The following PIK3CG variants were observed in gnomAD, a reference collection of about 807,000 sequenced individuals.
The protein encoded by PIK3CG is phosphatidylinositol 4,5-bisphosphate 3-kinase catalytic subunit gamma isoform.
Under a neutral mutation model 102.3 loss-of-function variants are expected in PIK3CG, and 55 were observed. The observed-to-expected ratio is 0.54, with a 90% CI of 0.43 to 0.67. The LOEUF (loss-of-function observed/expected upper bound fraction) is 0.67. PIK3CG is among the 30% of genes least tolerant of loss of function. PIK3CG has a pLI of 0.00. For missense variants in PIK3CG, 1,258 were observed against 1,391.8 expected, an observed-to-expected ratio of 0.90 and a Z score of 1.53; for synonymous variants, 552 against 540.0, an observed-to-expected ratio of 1.02 and a Z score of -0.31.
At position 106,891,867 on chromosome 7, in the gene PIK3CG, C is replaced by A. The variant is rs1791273407; in HGVS notation, c.3030+5575C>A. Among the ~76,000 whole-genome samples the A allele has an allele frequency of 6.6e-6, 1 of 151,886 alleles. No homozygotes were observed. Among genetic ancestry groups the A allele is most frequent in the Admixed American group, 6.6e-5 (1 of 15,222 alleles). On this transcript the variant is annotated intron_variant, in intron 10 of 10. Transcript: ENST00000496166. This position sits in a 1 kb window ranked among gnomAD's most constrained non-coding sequence, Gnocchi z 4.4. ...CTGTTTCCAGTTCCGCAGTCTTATC[C>A]CCATGCCAGCGTATACCCAAGCCTC...
chr7:106,867,604 G>A lies in PIK3CG; in HGVS notation c.43G>A (p.Asp15Asn), dbSNP rs761955149. The A allele has an allele frequency of 6.8e-6, 11 of 1,606,742 alleles. No homozygotes were observed. Among genetic ancestry groups the A allele is most frequent in the Admixed American group, 1.7e-5 (1 of 58,634 alleles). Residue 15 changes from aspartate to asparagine, a missense_variant, in exon 2 of 11, where the codon GAC becomes AAC. Coordinates refer to ENST00000496166, the MANE Select transcript of PIK3CG (RefSeq NM_001282426.2). The surrounding 1 kb of genome is among the most constrained non-coding windows in gnomAD (Gnocchi z 5.1). ...TAAACAGCCCGTGGTGCTGAGAGAG[G>A]ACAACTGCCGAAGGCGCCGGAGGAT... ...NYKQPVVLRE[D>N]NCRRRRRMKP...
chr7:106,869,298 A>C lies in PIK3CG; in HGVS notation c.1737A>C (p.Arg579Ser). 1 of 1,614,228 alleles carries C rather than the reference A, an allele frequency of 6.2e-7. No homozygotes were observed. The highest frequency in any genetic ancestry group is 1.1e-5 in the South Asian group (1 of 91,086). ...ACAAAGAATTGCTCTGGCATTTTAGATACGAAAGCCTTAAGCACCCAAAAG... is the reference window on the plus strand; with the variant it reads ...ACAAAGAATTGCTCTGGCATTTTAGCTACGAAAGCCTTAAGCACCCAAAAG... The part of the protein sequence containing the change: ...AEDKELLWHF[R>S]YESLKHPKAY... The change falls in exon 2 of 11, where the codon AGA becomes AGC. Residue 579 changes from arginine (R) to serine (S), a missense_variant. By Grantham distance (110) the Arg-to-Ser change is moderately radical (BLOSUM62 -1). Around this residue, in one of 2 missense-constraint regions of PIK3CG, gnomAD observed 832 missense variants for 787.5 expected, o/e 1.06. Transcript: ENST00000496166. This position sits in a 1 kb window ranked among gnomAD's most constrained non-coding sequence, Gnocchi z 5.3.
Position 106,879,307 on chromosome 7 carries a change from C to T in PIK3CG, c.2392-212C>T, listed in dbSNP as rs188469991. Among the ~76,000 whole-genome samples, 88 of 152,252 alleles carry T rather than the reference C, an allele frequency of 5.8e-4. 1 individual carries two copies. The highest frequency in any genetic ancestry group is 5.9e-5 in the Non-Finnish European group (4 of 68,022). On this transcript the variant is annotated intron_variant, in intron 5 of 10. Coordinates refer to ENST00000496166, the MANE Select transcript of PIK3CG (RefSeq NM_001282426.2). The surrounding 1 kb of genome is among the most constrained non-coding windows in gnomAD (Gnocchi z 4.9). ...GTTCTTTGGAGCACAGTTTGAGAGGCACTGGTTTAAGAGTTGTGAATTCGC... is the reference window on the plus strand; with the variant it reads ...GTTCTTTGGAGCACAGTTTGAGAGGTACTGGTTTAAGAGTTGTGAATTCGC...
chr7:106,900,842 C>A (rs901632147), intron 10 of PIK3CG, among the ~76,000 whole-genome samples: 2 of 152,092 alleles, frequency 1.3e-5, no homozygotes, highest in Non-Finnish European at 2.9e-5. Flanking sequence ...ATATGAAATT[C>A]TTGGTTGAAG....
rs1790444656 is a variant in PIK3CG at position 106,869,223 on chromosome 7, A to G, written c.1662A>G (p.Gln554=). ...AAATGCCCAACCAGCTTCGCAAGCA[A>G]TTGGAGGCGATCATAGCCACTGATC... is the stretch of plus-strand genomic sequence containing the variant. ...RAEMPNQLRK[Q]LEAIIATDPL... The change falls in exon 2 of 11, where the codon CAA becomes CAG. Residue 554 remains glutamine (Q), a synonymous_variant. Coordinates refer to ENST00000496166, the MANE Select transcript of PIK3CG (RefSeq NM_001282426.2). The surrounding 1 kb of genome is among the most constrained non-coding windows in gnomAD (Gnocchi z 5.3). 1.9e-6 allele frequency: 3 copies of G among 1,614,212 alleles called. No individual in the cohort carries two copies. The Admixed American group carries it at 5.0e-5, about 27-fold the overall frequency.
intron 5 of PIK3CG, among the ~76,000 whole-genome samples, chr7:106,876,697 G>A (rs1790757526): frequency 6.6e-6 from 1 of 151,846 alleles, no homozygotes; most frequent in African/African-American, 2.4e-5. Flanking sequence ...CACCGCACCT[G>A]GACCTTAGTT....
At position 106,891,511 on chromosome 7, in the gene PIK3CG, G is replaced by A. The variant is rs1791261943; in HGVS notation, c.3030+5219G>A. On this transcript the variant is annotated intron_variant, in intron 10 of 10. Coordinates refer to ENST00000496166, the MANE Select transcript of PIK3CG (RefSeq NM_001282426.2). This position sits in a 1 kb window ranked among gnomAD's most constrained non-coding sequence, Gnocchi z 4.4. ...CTGTACCTTTTGCCAAGAGAACAGGGCATGGAGTATATACACATAGTGTAC... is the reference window on the plus strand; with the variant it reads ...CTGTACCTTTTGCCAAGAGAACAGGACATGGAGTATATACACATAGTGTAC... Among the ~76,000 whole-genome samples the A allele has an allele frequency of 6.6e-6, 1 of 152,102 alleles. No individual in the cohort carries two copies. The highest frequency in any genetic ancestry group is 6.6e-5 in the Admixed American group (1 of 15,266).
At chr7:106,886,599 G>T (rs1413002603) in intron 10 of PIK3CG, among the ~76,000 whole-genome samples, 1 of 152,096 alleles carries the variant, frequency 6.6e-6, no homozygotes, top group Non-Finnish European at 1.5e-5. Context: ...TTTCAGGAAG[G>T]GTGTCTGCTG....
Position 106,879,477 on chromosome 7 carries a change from T to G in PIK3CG, c.2392-42T>G. On this transcript the variant is annotated intron_variant, in intron 5 of 10. Transcript: ENST00000496166. This position sits in a 1 kb window ranked among gnomAD's most constrained non-coding sequence, Gnocchi z 4.9. ...TTTGTGTCTCCACCATGTATATTCGTTATTCATTGTGTGTGGGGAATATGT... is the reference window on the plus strand; with the variant it reads ...TTTGTGTCTCCACCATGTATATTCGGTATTCATTGTGTGTGGGGAATATGT... 6.5e-7 allele frequency: 1 copy of G among 1,529,428 alleles called. No homozygotes were observed. Among genetic ancestry groups the G allele is most frequent in the Middle Eastern group, 1.7e-4 (1 of 5,902 alleles). The allele number at this position is 1,529,428 out of a possible 1,614,324, so 94.7% of individuals were successfully genotyped here. A position where few individuals can be genotyped will look rare whatever the true frequency, so the allele number is the denominator to read the frequency against.
chr7:106,898,471 G>T (rs1431005660), intron 10 of PIK3CG, among the ~76,000 whole-genome samples: 1 of 152,138 alleles, frequency 6.6e-6, no homozygotes, highest in Admixed American at 6.5e-5. Context: ...CAACCAGCAT[G>T]GTATTGCCTA....
At position 106,869,273 on chromosome 7, in the gene PIK3CG, AC is replaced by A; in HGVS notation, c.1713del (p.Asp571GlufsTer26). 2 of 1,614,240 alleles carry A rather than the reference AC, an allele frequency of 1.2e-6. No individual in the cohort carries two copies. The highest frequency in any genetic ancestry group is 1.7e-6 in the Non-Finnish European group (2 of 1,180,038). On this transcript the variant is annotated frameshift_variant, in exon 2 of 11. Transcript: ENST00000496166. LOFTEE classifies it high-confidence loss of function. This position sits in a 1 kb window ranked among gnomAD's most constrained non-coding sequence, Gnocchi z 5.3. ...TDPLNPLTAE[D>X]KELLWHFRYE... The stretch of plus-strand genomic sequence containing the variant: ...CCACTTAACCCTCTCACAGCAGAGG[AC>A]AAAGAATTGCTCTGGCATTTTAGAT...
In PIK3CG at chr7:106,874,802, C is replaced by A. The variant is rs761986714; in HGVS notation, c.2390C>A (p.Ala797Glu). 1 of 1,600,066 alleles carries A rather than the reference C, an allele frequency of 6.2e-7. No homozygotes were observed. The highest frequency in any genetic ancestry group is 8.6e-7 in the Non-Finnish European group (1 of 1,167,572). ...YDPGLKAGAL[A>E]IEKCKVMASK... is the part of the protein sequence containing the mutation. Reference sequence around the variant, plus strand: ...CCTGGACTGAAAGCAGGAGCGCTGGCAGTAGGTATCACTTGGATGTCTCCA... The same window carrying A: ...CCTGGACTGAAAGCAGGAGCGCTGGAAGTAGGTATCACTTGGATGTCTCCA... The change falls in exon 5 of 11, where the codon GCA becomes GAA. Residue 797 changes from alanine to glutamate, a missense_variant and splice_region_variant. Physicochemically the swap from Ala to Glu is moderately radical, Grantham distance 107. Around this residue, in one of 2 missense-constraint regions of PIK3CG, gnomAD observed 426 missense variants for 604.2 expected, o/e 0.71. Transcript: ENST00000496166. The surrounding 1 kb of genome is among the most constrained non-coding windows in gnomAD (Gnocchi z 4.3).
At chr7:106,888,532 C>T (rs1392389393) in intron 10 of PIK3CG, among the ~76,000 whole-genome samples, 1 of 152,234 alleles carries the variant, frequency 6.6e-6, no homozygotes, top group African/African-American at 2.4e-5. Flanking sequence ...TTTGTGCAGT[C>T]TGTCCTCTCA....
At position 106,867,405 on chromosome 7, in the gene PIK3CG, T is replaced by C. The variant is rs1267319418; in HGVS notation, c.-12-145T>C. ...CCAAAGCCCACGCTCTGAAGGGCTG[T>C]AGTGCTTCCAGTTTAAAATACTTGG... On this transcript the variant is annotated intron_variant, in intron 1 of 10. Transcript: ENST00000496166. This position sits in a 1 kb window ranked among gnomAD's most constrained non-coding sequence, Gnocchi z 5.1. The C allele has an allele frequency of 1.4e-6, 1 of 710,700 alleles. No individual in the cohort carries two copies. Among genetic ancestry groups the C allele is most frequent in the Non-Finnish European group, 2.3e-6 (1 of 426,884 alleles). The allele number at this position is 710,700 out of a possible 1,614,324, so 44.0% of individuals were successfully genotyped here. A position where few individuals can be genotyped will look rare whatever the true frequency, so the allele number is the denominator to read the frequency against.
intron 1 of PIK3CG, among the ~76,000 whole-genome samples, chr7:106,866,797 T>C (rs1196753188): frequency 6.6e-6 from 1 of 152,226 alleles, no homozygotes; most frequent in Non-Finnish European, 1.5e-5. Flanking sequence ...ACTTTACTAA[T>C]TCCGATATGT....
rs1458776487 is a variant in PIK3CG, at chr7:106,892,657, GAAAGCTACTTACACAACTTTGT to G, written c.3030+6366_3030+6387del. On this transcript the variant is annotated intron_variant, in intron 10 of 10. Transcript: ENST00000496166. This position sits in a 1 kb window ranked among gnomAD's most constrained non-coding sequence, Gnocchi z 5.2. ...AGAGCATGGCCCCAGAACATGGCAA[GAAAGCTACTTACACAACTTTGT>G]GCCAAGAAATACCTTGTGCTAAGAG... Among the ~76,000 whole-genome samples the G allele has an allele frequency of 2.6e-5, 4 of 152,252 alleles. No homozygotes were observed. The highest frequency in any genetic ancestry group is 5.9e-5 in the Non-Finnish European group (4 of 68,050).
chr7:106,908,798 C>G lies in PIK3CG; in HGVS notation c.*3411C>G, dbSNP rs1416869296. Among the ~76,000 whole-genome samples the G allele has an allele frequency of 6.6e-6, 1 of 152,066 alleles. No homozygotes were observed. Among genetic ancestry groups the G allele is most frequent in the Non-Finnish European group, 1.5e-5 (1 of 68,016 alleles). On this transcript the variant is annotated 3_prime_UTR_variant, in exon 11 of 11. Transcript: ENST00000496166. The surrounding 1 kb of genome is among the most constrained non-coding windows in gnomAD (Gnocchi z 4.1). Reference sequence around the variant, plus strand: ...TAATCTAGAAAGTAAGTTTCCAGAGCAAATCTGACCTAGCATTTGGTATGC... The same window carrying G: ...TAATCTAGAAAGTAAGTTTCCAGAGGAAATCTGACCTAGCATTTGGTATGC...
intron 10 of PIK3CG, 113 bp downstream of exon 10, chr7:106,886,405 C>T: frequency 1.0e-6 from 1 of 988,240 alleles, no homozygotes; most frequent in African/African-American, 1.6e-5. Flanking sequence ...GCCTCTACCC[C>T]TACCCTCTTC....
chr7:106,893,512 C>T lies in PIK3CG; in HGVS notation c.3030+7220C>T, dbSNP rs565021368. Among the ~76,000 whole-genome samples, 11 of 152,308 alleles carry T rather than the reference C, an allele frequency of 7.2e-5. No individual in the cohort carries two copies. In the East Asian group the frequency reaches 1.7e-3, roughly 24 times the overall value. Reference sequence around the variant, plus strand: ...TCTCAATATTTAGTTTCTTTCAGAACATTTTGTCTAACATAGAATATTGTC... The same window carrying T: ...TCTCAATATTTAGTTTCTTTCAGAATATTTTGTCTAACATAGAATATTGTC... On this transcript the variant is annotated intron_variant, in intron 10 of 10. Transcript: ENST00000496166. This position sits in a 1 kb window ranked among gnomAD's most constrained non-coding sequence, Gnocchi z 4.4.
Sources: gnomAD v4.1 joint callset for allele counts (sites outside exome capture counted in the v4.1 genomes callset) on GRCh38, gnomAD v4.1.1 for gene constraint, gnomAD v4.1.1 regional missense constraint, Gnocchi (gnomAD v3.1) non-coding constraint, MANE v1.5 for transcripts, NCBI Gene and HGNC (gene_info 2026-07-23, HGNC 2026-07-21) for gene names.